Variants in AR observed in about 807,000 individuals in gnomAD.
The protein encoded by AR is androgen receptor.
AR carries 8 observed loss-of-function variants against 53.9 expected under a neutral mutation model. The observed-to-expected ratio is 0.15, with a 90% CI of 0.09 to 0.27. AR has a LOEUF of 0.27. Ranked by LOEUF, AR falls within the 10% of genes least tolerant of loss-of-function variation. The probability of loss-of-function intolerance (pLI) is 1.00; values close to 1 mark genes in which losing one functional copy is unlikely to be tolerated. For synonymous variants in AR, 359 were observed against 316.4 expected (o/e 1.13, Z -1.43); for missense variants, 639 against 742.5 (o/e 0.86, Z 1.62).
At chrX:67,612,745 G>C (rs1480869989) in intron 1 of AR, among the ~76,000 whole-genome samples, 1 of 111,917 alleles carries the variant, frequency 8.9e-6, no homozygotes. Context: ...ATAGCAAAAA[G>C]AGAAACATTT....
At position 67,728,088 on chromosome X, in the gene AR, G is replaced by C. The variant is rs1196597815; in HGVS notation, c.*4247G>C. ...AGATACCAAAATTCATAAGGGCAGG[G>C]GGGGAGCAAGCATTAGTGCCTCTTT... On this transcript the variant is annotated 3_prime_UTR_variant, in exon 8 of 8. Coordinates refer to ENST00000374690, the MANE Select transcript of AR (RefSeq NM_000044.6). 2 of 172,328 alleles carry C rather than the reference G, an allele frequency of 1.2e-5. No homozygotes were observed. The highest frequency in any genetic ancestry group is 3.3e-4 in the South Asian group (1 of 3,069). The allele number at this position is 172,328 out of a possible 1,213,427, so 14.2% of individuals were successfully genotyped here. A position where few individuals can be genotyped will look rare whatever the true frequency, so the allele number is the denominator to read the frequency against.
chrX:67,580,640 C>A (rs1366147400), intron 1 of AR, among the ~76,000 whole-genome samples: 1 of 111,568 alleles, frequency 9.0e-6, no homozygotes, highest in African/African-American at 3.3e-5. Flanking sequence ...TAAAAGCTCT[C>A]CCTTCAAAGA....
At chrX:67,651,596 G>A (rs771216575) in intron 2 of AR, among the ~76,000 whole-genome samples, 17 of 111,849 alleles carry the variant, frequency 1.5e-4, no homozygotes, top group East Asian at 2.8e-4. Flanking sequence ...CAAGTACTAT[G>A]CCTAGGCAAC....
intron 3 of AR, among the ~76,000 whole-genome samples, chrX:67,704,073 C>T (rs188192028): frequency 2.6e-3 from 288 of 111,952 alleles, no homozygotes; most frequent in African/African-American, 8.9e-3. Context: ...GGTTCCAAGG[C>T]TTTGCTATTG....
At chrX:67,582,956 G>A (rs1162996754) in intron 1 of AR, among the ~76,000 whole-genome samples, 1 of 111,714 alleles carries the variant, frequency 9.0e-6, no homozygotes, top group African/African-American at 3.3e-5. Flanking sequence ...AAATGTGAGA[G>A]CATTGAGAAC....
chrX:67,689,663 C>G, intron 3 of AR: 1 of 896,775 alleles, frequency 1.1e-6, no homozygotes, highest in Non-Finnish European at 1.4e-6. Flanking sequence ...CAGAGATCAG[C>G]CTTTCTTTGT....
chrX:67,665,142 C>G (rs928131820), intron 2 of AR, among the ~76,000 whole-genome samples: 1 of 112,820 alleles, frequency 8.9e-6, no homozygotes, highest in Non-Finnish European at 1.9e-5. Flanking sequence ...CCATTTGACA[C>G]TCCCCTGTGA....
rs185318539 is a variant in AR, at chrX:67,695,530, C to G, written c.1885+9404C>G. 1.7e-3 allele frequency: 1,294 copies of G among 751,975 alleles called. 1 individual carries two copies. Among genetic ancestry groups the G allele is most frequent in the Non-Finnish European group, 1.9e-3 (1,206 of 638,852 alleles). The allele number at this position is 751,975 out of a possible 1,213,427, so 62.0% of individuals were successfully genotyped here. A position where few individuals can be genotyped will look rare whatever the true frequency, so the allele number is the denominator to read the frequency against. On this transcript the variant is annotated intron_variant, in intron 3 of 7. Coordinates refer to ENST00000374690, the MANE Select transcript of AR (RefSeq NM_000044.6). ...CCTCTCATTCTTCTCCCAAGCCAGA[C>G]TCAAATATTGTATTGATGTCAAAGA...
intron 3 of AR, among the ~76,000 whole-genome samples, chrX:67,709,918 T>A (rs891733845): frequency 3.6e-5 from 4 of 112,092 alleles, no homozygotes; most frequent in African/African-American, 6.5e-5. Flanking sequence ...AGGCCACTTT[T>A]AAAAACCCCA....
At chrX:67,568,992 C>T (rs1569271360) in intron 1 of AR, 1 of 1,210,583 alleles carries the variant, frequency 8.3e-7, no homozygotes, top group East Asian at 3.0e-5. Context: ...CATTGCCTGT[C>T]ACTTTTTCCC....
At chrX:67,643,823 G>C (rs927831502) in intron 2 of AR, among the ~76,000 whole-genome samples, 2 of 111,903 alleles carry the variant, frequency 1.8e-5, no homozygotes, top group African/African-American at 6.5e-5. Context: ...ATATGAGACT[G>C]TTCCTTAGCA....
intron 2 of AR, among the ~76,000 whole-genome samples, chrX:67,661,778 C>T (rs1410206615): frequency 9.0e-6 from 1 of 111,495 alleles, no homozygotes; most frequent in Admixed American, 9.5e-5. Flanking sequence ...ACCAGCTCCT[C>T]CTTGTACCTC....
At chrX:67,703,968 C>T (rs1205058204) in intron 3 of AR, among the ~76,000 whole-genome samples, 1 of 111,827 alleles carries the variant, frequency 8.9e-6, no homozygotes, top group Non-Finnish European at 1.9e-5. Context: ...CTACAAAGGA[C>T]ATGAACTCAT....
In AR at chrX:67,588,771, A is replaced by G. The variant is rs145203989; in HGVS notation, c.1616+42009A>G. Among the ~76,000 whole-genome samples, 679 of 111,695 alleles carry G rather than the reference A, an allele frequency of 6.1e-3. 9 individuals carry two copies. Among genetic ancestry groups the G allele is most frequent in the African/African-American group, 0.021 (647 of 30,703 alleles). Reference sequence around the variant, plus strand: ...TTTCTGTGTTTCTTTCCCCATTGCCATCTGCAGAGTGTTCTCAGTCAGAAG... The same window carrying G: ...TTTCTGTGTTTCTTTCCCCATTGCCGTCTGCAGAGTGTTCTCAGTCAGAAG... On this transcript the variant is annotated intron_variant, in intron 1 of 7. Coordinates refer to ENST00000374690, the MANE Select transcript of AR (RefSeq NM_000044.6).
At chrX:67,660,710 T>A (rs1229787645) in intron 2 of AR, among the ~76,000 whole-genome samples, 1 of 111,607 alleles carries the variant, frequency 9.0e-6, no homozygotes, top group African/African-American at 3.3e-5. Context: ...CTTTTTTGGT[T>A]CCATATGAAC....
At chrX:67,635,801 A>G (rs1210667120) in intron 1 of AR, among the ~76,000 whole-genome samples, 1 of 111,243 alleles carries the variant, frequency 9.0e-6, no homozygotes, top group Non-Finnish European at 1.9e-5. Flanking sequence ...GATTCATAAA[A>G]CCAAATGCTC....
rs1301632315 is a variant in AR, at chrX:67,717,555, G to T, written c.2251G>T (p.Gly751Cys). The change falls in exon 5 of 8, where the codon GGC (glycine) becomes TGC (cysteine). Residue 751 changes from glycine to cysteine, a missense_variant. Physicochemically the swap from Gly to Cys is radical, Grantham distance 159. Coordinates refer to ENST00000374690, the MANE Select transcript of AR (RefSeq NM_000044.6). ...GATGGGGCTCATGGTGTTTGCCATG[G>T]GCTGGCGATCCTTCACCAATGTCAA... The part of the protein sequence containing the change: ...SWMGLMVFAM[G>C]WRSFTNVNSR... The T allele has an allele frequency of 8.3e-7, 1 of 1,210,419 alleles. No individual in the cohort carries two copies. Among genetic ancestry groups the T allele is most frequent in the Non-Finnish European group, 1.1e-6 (1 of 895,248 alleles).
chrX:67,689,726 C>G (rs145800459), intron 3 of AR: 1 of 836,355 alleles, frequency 1.2e-6, no homozygotes, highest in Non-Finnish European at 1.5e-6. Context: ...AATTGCTTGA[C>G]GAATTTAAAT....
intron 1 of AR, among the ~76,000 whole-genome samples, chrX:67,572,961 G>A (rs1042861040): frequency 3.6e-5 from 4 of 111,479 alleles, no homozygotes; most frequent in African/African-American, 1.3e-4. Context: ...GAATGACGTG[G>A]GTAAGAATCT....
Sources: gnomAD v4.1 joint callset for allele counts (sites outside exome capture counted in the v4.1 genomes callset) on GRCh38, gnomAD v4.1.1 for gene constraint, MANE v1.5 for transcripts, NCBI Gene and HGNC (gene_info 2026-07-23, HGNC 2026-07-21) for gene names.